Variants in SLC38A10 observed in about 807,000 individuals in gnomAD.
SLC38A10 encodes the protein Sodium-coupled neutral amino acid transporter 10.
Under a neutral mutation model 81.0 loss-of-function variants are expected in SLC38A10, and 53 were observed. That is an observed-to-expected ratio of 0.65 (90% CI 0.53 to 0.82). The LOEUF is 0.82. Ranked by LOEUF, SLC38A10 falls within the 40% of genes least tolerant of loss-of-function variation. SLC38A10 has a pLI of 0.00. For missense variants in SLC38A10, 1,471 were observed against 1,545.0 expected (o/e 0.95, Z 0.80); for synonymous variants, 665 against 655.3 (o/e 1.01, Z -0.23).
rs1040051009 is a variant in SLC38A10 at position 81,283,356 on chromosome 17, C to T, written c.357+53G>A. ...TCCTCGGGAGGATCCCACAGAGGGC[C>T]TCAGAGCAGCCGTCAGCATCTGAAC... On this transcript the variant is annotated intron_variant, in intron 4 of 15. Transcript: ENST00000374759. The surrounding 1 kb of genome is among the most constrained non-coding windows in gnomAD (Gnocchi z 4.7). 1.8e-5 allele frequency: 28 copies of T among 1,529,886 alleles called. No homozygotes were observed. The African/African-American group carries it at 3.3e-4, about 18-fold the overall frequency. The allele number at this position is 1,529,886 out of a possible 1,614,324, so 94.8% of individuals were successfully genotyped here. A position where few individuals can be genotyped will look rare whatever the true frequency, so the allele number is the denominator to read the frequency against.
chr17:81,266,529 G>C (rs2063071718), intron 10 of SLC38A10, among the ~76,000 whole-genome samples: 1 of 151,578 alleles, frequency 6.6e-6, no homozygotes, highest in Non-Finnish European at 1.5e-5. Context: ...TGAGGCAGGA[G>C]AATGGCGTGA....
chr17:81,269,426 T>C (rs1293337553), intron 10 of SLC38A10, among the ~76,000 whole-genome samples: 1 of 152,024 alleles, frequency 6.6e-6, no homozygotes, highest in African/African-American at 2.4e-5. Context: ...GGCAGGAGAA[T>C]TGCTTGAACC....
chr17:81,251,188 A>T (rs1231614347), intron 14 of SLC38A10: 2 of 1,532,940 alleles, frequency 1.3e-6, no homozygotes, highest in African/African-American at 2.8e-5. Context: ...TGGTAATCAC[A>T]AGCCAAGTGA....
At chr17:81,250,942 G>T in intron 14 of SLC38A10, 1 of 1,255,766 alleles carries the variant, frequency 8.0e-7, no homozygotes, top group Non-Finnish European at 1.0e-6. Context: ...GGAGGGACAG[G>T]TGACAGATCC....
chr17:81,247,334 G>T, intron 14 of SLC38A10: 1 of 341,904 alleles, frequency 2.9e-6, no homozygotes, highest in Non-Finnish European at 5.3e-6. Flanking sequence ...CCACTGTGCC[G>T]CATCAGTTCT....
Position 81,245,317 on chromosome 17 carries a change from A to T in SLC38A10, c.*239T>A, listed in dbSNP as rs147277573. The T allele has an allele frequency of 7.1e-5, 34 of 479,082 alleles. No homozygotes were observed. The South Asian group carries it at 9.1e-4, about 13-fold the overall frequency. The allele number at this position is 479,082 out of a possible 1,614,324, so 29.7% of individuals were successfully genotyped here. A position where few individuals can be genotyped will look rare whatever the true frequency, so the allele number is the denominator to read the frequency against. ...TCCTCACAGGCTGGAGTGAGCTCAG[A>T]GTCTAGAGGTCAGAGGACCTCAGAC... On this transcript the variant is annotated 3_prime_UTR_variant, in exon 16 of 16. Coordinates refer to ENST00000374759, the MANE Select transcript of SLC38A10 (RefSeq NM_001037984.3).
chr17:81,270,985 C>A lies in SLC38A10; in HGVS notation c.1064G>T (p.Ser355Ile). Residue 355 changes from serine (S) to isoleucine (I), a missense_variant, in exon 10 of 16, where the codon AGC becomes ATC. Coordinates refer to ENST00000374759, the MANE Select transcript of SLC38A10 (RefSeq NM_001037984.3). This position sits in a 1 kb window ranked among gnomAD's most constrained non-coding sequence, Gnocchi z 4.0. Reference protein sequence around the residue: ...ILGLTGATMGSLICFICPALI... With the variant: ...ILGLTGATMGILICFICPALI... Reference sequence around the variant, plus strand: ...CGCCGGGCAGATGAAGCAGATGAGGCTTCCCATGGTCGCTCCTGTGAGGCC... The same window carrying A: ...CGCCGGGCAGATGAAGCAGATGAGGATTCCCATGGTCGCTCCTGTGAGGCC... 1 of 1,613,734 alleles carries A rather than the reference C, an allele frequency of 6.2e-7. No individual in the cohort carries two copies. The highest frequency in any genetic ancestry group is 8.5e-7 in the Non-Finnish European group (1 of 1,180,030).
At chr17:81,271,748 A>ATTTTTTTT (rs756214430) in intron 9 of SLC38A10, among the ~76,000 whole-genome samples, 2 of 121,150 alleles carry the variant, frequency 1.7e-5, no homozygotes, top group Non-Finnish European at 1.7e-5. Flanking sequence ...AAGCTGACAG[A>ATTTTTTTT]TTTTTTTTTT....
In SLC38A10 at chr17:81,289,569, TA is replaced by T. The variant is rs769913063; in HGVS notation, c.217+121del. On this transcript the variant is annotated intron_variant, in intron 2 of 15. Coordinates refer to ENST00000374759, the MANE Select transcript of SLC38A10 (RefSeq NM_001037984.3). The surrounding 1 kb of genome is among the most constrained non-coding windows in gnomAD (Gnocchi z 5.9). The stretch of plus-strand genomic sequence containing the variant: ...TTTTTTGCAGCATTACATTTTAAAA[TA>T]AAAAAAACCCTGCTATCCAAGGAAT... The T allele has an allele frequency of 4.3e-5, 30 of 704,110 alleles. No homozygotes were observed. Among genetic ancestry groups the T allele is most frequent in the Admixed American group, 1.9e-4 (5 of 26,274 alleles). 43.6% of individuals were successfully genotyped at this position (704,110 alleles called of 1,614,324 possible). A position where few individuals can be genotyped will look rare whatever the true frequency, so the allele number is the denominator to read the frequency against.
intron 4 of SLC38A10, among the ~76,000 whole-genome samples, chr17:81,282,983 T>G (rs1277454448): frequency 6.6e-6 from 1 of 152,136 alleles, no homozygotes; most frequent in African/African-American, 2.4e-5. Flanking sequence ...GGCCTCTCTG[T>G]GGTGGGGGGC....
intron 1 of SLC38A10, among the ~76,000 whole-genome samples, chr17:81,292,766 C>T (rs922829154): frequency 1.3e-4 from 20 of 152,214 alleles, no homozygotes; most frequent in African/African-American, 4.6e-4. Context: ...ATAGCTGGAT[C>T]GTCTGGGCCC....
intron 2 of SLC38A10, chr17:81,285,135 C>A (rs1484567940): frequency 3.6e-5 from 15 of 417,516 alleles, no homozygotes; most frequent in Non-Finnish European, 6.0e-5. Context: ...TCTTCTTTCA[C>A]TCAATCAGAT....
rs771652355 is a variant in SLC38A10 at position 81,289,753 on chromosome 17, T to G, written c.155A>C (p.Gln52Pro). The G allele has an allele frequency of 1.2e-6, 2 of 1,610,734 alleles. No homozygotes were observed. Among genetic ancestry groups the G allele is most frequent in the Non-Finnish European group, 1.7e-6 (2 of 1,179,336 alleles). ...LLVFCSWMTH[Q>P]SCMFLVKSAS... ...CGACTTCACCAAGAACATGCACGAC[T>G]GGTGCGTCATCCATGAGCAGAAGAC... The change falls in exon 2 of 16, where the codon CAG (glutamine) becomes CCG (proline). Residue 52 changes from glutamine to proline, a missense_variant. Around this residue, in one of 2 missense-constraint regions of SLC38A10, gnomAD observed 720 missense variants for 827.7 expected, o/e 0.87. Coordinates refer to ENST00000374759, the MANE Select transcript of SLC38A10 (RefSeq NM_001037984.3). The surrounding 1 kb of genome is among the most constrained non-coding windows in gnomAD (Gnocchi z 5.9).
At chr17:81,254,019 T>TA (rs1464089841) in intron 11 of SLC38A10, among the ~76,000 whole-genome samples, 1 of 150,918 alleles carries the variant, frequency 6.6e-6, no homozygotes, top group Non-Finnish European at 1.5e-5. Context: ...AATCATCACC[T>TA]ACATCACCGT....
chr17:81,260,739 T>C (rs1171982071), intron 10 of SLC38A10, among the ~76,000 whole-genome samples: 1 of 152,226 alleles, frequency 6.6e-6, no homozygotes, highest in East Asian at 1.9e-4. Context: ...GTCAGAGCTA[T>C]GCCAGCCATT....
chr17:81,252,744 A>G, intron 12 of SLC38A10, 61 bp from the exon 13 acceptor site: 1 of 1,523,658 alleles, frequency 6.6e-7, no homozygotes, highest in East Asian at 2.3e-5. Context: ...TTCCCAGGGA[A>G]TTAGAACTGG....
chr17:81,272,740 G>A (rs929074445), intron 8 of SLC38A10, 113 bp from the exon 9 acceptor site: 2 of 651,570 alleles, frequency 3.1e-6, no homozygotes, highest in African/African-American at 3.8e-5. Context: ...CTCCACGTGA[G>A]GCCGGCCGCG....
At position 81,283,997 on chromosome 17, in the gene SLC38A10, C is replaced by T. The variant is rs778867087; in HGVS notation, c.264-495G>A. On this transcript the variant is annotated intron_variant, in intron 3 of 15. Coordinates refer to ENST00000374759, the MANE Select transcript of SLC38A10 (RefSeq NM_001037984.3). This position sits in a 1 kb window ranked among gnomAD's most constrained non-coding sequence, Gnocchi z 4.7. ...TATGTCACTTGGCATGCACACCAAA[C>T]GACACTCAGCTTTTCTCAGCCTGGT... Among the ~76,000 whole-genome samples the T allele has an allele frequency of 6.6e-6, 1 of 152,004 alleles. No individual in the cohort carries two copies. Among genetic ancestry groups the T allele is most frequent in the Non-Finnish European group, 1.5e-5 (1 of 67,996 alleles).
chr17:81,250,732 G>T, intron 14 of SLC38A10: 1 of 742,640 alleles, frequency 1.3e-6, no homozygotes, highest in Non-Finnish European at 1.7e-6. Flanking sequence ...AGGGCGGGTG[G>T]ACCCCTAGCC....
Sources: gnomAD v4.1 joint callset for allele counts (sites outside exome capture counted in the v4.1 genomes callset) on GRCh38, gnomAD v4.1.1 for gene constraint, gnomAD v4.1.1 regional missense constraint, Gnocchi (gnomAD v3.1) non-coding constraint, MANE v1.5 for transcripts, NCBI Gene and HGNC (gene_info 2026-07-23, HGNC 2026-07-21) for gene names.